The following TRIP4 variants were observed in gnomAD, a reference collection of about 807,000 sequenced individuals.
TRIP4 encodes thyroid hormone receptor interactor 4, also known as activating signal cointegrator 1.
Under a neutral mutation model 81.8 loss-of-function variants are expected in TRIP4, and 54 were observed. That is an observed-to-expected ratio of 0.66 (90% CI 0.53 to 0.83). The LOEUF (loss-of-function observed/expected upper bound fraction) is 0.83. Ranked by LOEUF, TRIP4 falls within the 40% of genes least tolerant of loss-of-function variation. The pLI is 0.00. For missense variants in TRIP4, 662 were observed against 683.6 expected (o/e 0.97, Z 0.35); for synonymous variants, 270 against 242.8 (o/e 1.11, Z -1.04).
chr15:64,436,852 T>A (rs1596358537), intron 11 of TRIP4, among the ~76,000 whole-genome samples: 1 of 131,416 alleles, frequency 7.6e-6, no homozygotes. Flanking sequence ...CGGCTGCAGG[T>A]TGTGTGCCAC....
At chr15:64,400,373 C>G (rs1291900457) in intron 4 of TRIP4, among the ~76,000 whole-genome samples, 2 of 149,908 alleles carry the variant, frequency 1.3e-5, no homozygotes, top group African/African-American at 4.9e-5. Flanking sequence ...GGGGTTTGGC[C>G]ATGTTGCCCA....
At chr15:64,425,706 A>G in intron 11 of TRIP4, 75 bp downstream of exon 11, 4 of 1,208,230 alleles carry the variant, frequency 3.3e-6, no homozygotes, top group Non-Finnish European at 4.7e-6. Flanking sequence ...AAAGCACTTT[A>G]AGAGGCTGGG....
chr15:64,405,596 C>G (rs548408504), intron 5 of TRIP4, among the ~76,000 whole-genome samples: 40 of 152,348 alleles, frequency 2.6e-4, no homozygotes, highest in Admixed American at 4.6e-4. Flanking sequence ...CTAAGTGACT[C>G]AGCATTTAGC....
chr15:64,449,320 C>T (rs1289835087), intron 12 of TRIP4, among the ~76,000 whole-genome samples: 1 of 147,986 alleles, frequency 6.8e-6, no homozygotes, highest in Non-Finnish European at 1.5e-5. Flanking sequence ...GTCTTAGGAA[C>T]CTAGCCACCC....
chr15:64,454,293 T>G (rs1892837502), intron 12 of TRIP4, among the ~76,000 whole-genome samples: 3 of 152,142 alleles, frequency 2.0e-5, no homozygotes, highest in Non-Finnish European at 4.4e-5. Context: ...CCTAATGAGA[T>G]GGATGGTTCC....
intron 11 of TRIP4, among the ~76,000 whole-genome samples, chr15:64,431,847 A>ATGTATATTTTTT: frequency 8.4e-6 from 1 of 119,560 alleles, no homozygotes; most frequent in Non-Finnish European, 1.6e-5. Context: ...ATATATATAT[A>ATGTATATTTTTT]TTTTTTTTAT....
At chr15:64,452,511 T>C (rs1037960730) in intron 12 of TRIP4, among the ~76,000 whole-genome samples, 1 of 152,230 alleles carries the variant, frequency 6.6e-6, no homozygotes, top group Non-Finnish European at 1.5e-5. Context: ...AGTTATTTGA[T>C]TAAAGGACTC....
intron 11 of TRIP4, among the ~76,000 whole-genome samples, chr15:64,435,305 A>G: frequency 6.7e-6 from 1 of 149,216 alleles, no homozygotes; most frequent in Non-Finnish European, 1.5e-5. Flanking sequence ...GCAGATCACG[A>G]GGTCAGGAGT....
intron 6 of TRIP4, among the ~76,000 whole-genome samples, chr15:64,408,163 G>T (rs376474163): frequency 0.012 from 1,628 of 132,614 alleles, 31 homozygotes; most frequent in African/African-American, 0.045. Context: ...CTTTATTTTT[G>T]TTTTTTTTTT....
chr15:64,398,607 C>T (rs530189657), intron 4 of TRIP4, among the ~76,000 whole-genome samples: 111 of 152,078 alleles, frequency 7.3e-4, no homozygotes, highest in African/African-American at 2.5e-3. Context: ...AGGTTATATC[C>T]TAGTACTGAG....
chr15:64,431,877 C>CTTTTTTT (rs1199638489), intron 11 of TRIP4, among the ~76,000 whole-genome samples: 4 of 52,520 alleles, frequency 7.6e-5, no homozygotes, highest in Non-Finnish European at 1.3e-4. Flanking sequence ...ATTGTGTTTT[C>CTTTTTTT]TTTTTTTTTT....
chr15:64,393,888 T>G, intron 1 of TRIP4, 58 bp from the exon 2 acceptor site: 1 of 1,467,230 alleles, frequency 6.8e-7, no homozygotes. Flanking sequence ...CTGTTAAGAT[T>G]ACTGAGAAAC....
At chr15:64,411,686 T>G in intron 7 of TRIP4, among the ~76,000 whole-genome samples, 1 of 10,702 alleles carries the variant, frequency 9.3e-5, no homozygotes, top group African/African-American at 1.0e-4. Flanking sequence ...GTGCATACTG[T>G]TTTTTTTTTT....
chr15:64,444,492 A>G (rs1239650320), intron 11 of TRIP4, among the ~76,000 whole-genome samples: 1 of 152,228 alleles, frequency 6.6e-6, no homozygotes, highest in Non-Finnish European at 1.5e-5. Flanking sequence ...GCATCCAGCA[A>G]AACAGCTTTT....
In TRIP4 at chr15:64,431,847, A is replaced by ATATATATT; in HGVS notation, c.1575+6217_1575+6218insATATATTT. Among the ~76,000 whole-genome samples the ATATATATT allele has an allele frequency of 5.1e-3, 606 of 119,540 alleles. 5 individuals carry two copies. Among genetic ancestry groups the ATATATATT allele is most frequent in the East Asian group, 0.017 (75 of 4,448 alleles). The allele number at this position is 119,540 out of a possible 152,430, so 78.4% of individuals were successfully genotyped here. On this transcript the variant is annotated intron_variant, in intron 11 of 12. Transcript: ENST00000261884. ...CCATTTATATTATATATATATATAT[A>ATATATATT]TTTTTTTTATCCAAAGAGCATTGTG...
intron 3 of TRIP4, 69 bp from the exon 4 acceptor site, chr15:64,397,537 C>A: frequency 6.7e-7 from 1 of 1,494,522 alleles, no homozygotes. Context: ...CAGAACGGAG[C>A]ATTTTCTCCC....
intron 11 of TRIP4, among the ~76,000 whole-genome samples, chr15:64,432,922 A>AAAATAAATAAATAAAT (rs59272780): frequency 1.0e-4 from 15 of 150,148 alleles, no homozygotes; most frequent in African/African-American, 3.7e-4. Flanking sequence ...AAAATAAATA[A>AAAATAAATAAATAAAT]AAATAAATAA....
intron 5 of TRIP4, among the ~76,000 whole-genome samples, chr15:64,401,968 GCA>G (rs1891520629): frequency 6.6e-6 from 1 of 152,144 alleles, no homozygotes; most frequent in Non-Finnish European, 1.5e-5. Context: ...ACGACTAATT[GCA>G]GTATAGATCC....
At chr15:64,413,840 C>A (rs528957494) in intron 7 of TRIP4, among the ~76,000 whole-genome samples, 45 of 152,278 alleles carry the variant, frequency 3.0e-4, no homozygotes, top group African/African-American at 1.0e-3. Flanking sequence ...CCCTCCTTGG[C>A]CTCCCAAAGT....
Sources: gnomAD v4.1 joint callset for allele counts (sites outside exome capture counted in the v4.1 genomes callset) on GRCh38, gnomAD v4.1.1 for gene constraint, MANE v1.5 for transcripts, NCBI Gene and HGNC (gene_info 2026-07-23, HGNC 2026-07-21) for gene names.